ELMO1: variants seen among roughly 807,000 people sequenced by gnomAD.
ELMO1 encodes engulfment and cell motility 1.
Under a neutral mutation model 98.9 loss-of-function variants are expected in ELMO1, and 26 were observed. That is an observed-to-expected ratio of 0.26 (90% CI 0.19 to 0.36). The LOEUF (loss-of-function observed/expected upper bound fraction) is 0.36. Ranked by LOEUF, ELMO1 falls within the 10% of genes least tolerant of loss-of-function variation. The probability of loss-of-function intolerance (pLI) is 1.00; values close to 1 mark genes in which losing one functional copy is unlikely to be tolerated. For missense variants in ELMO1, 627 were observed against 935.2 expected, an observed-to-expected ratio of 0.67 and a Z score of 4.30; for synonymous variants, 346 against 346.0, an observed-to-expected ratio of 1.00 and a Z score of 0.00.
chr7:37,171,483 ATTTTTTTTTTTTTTTT>A (rs71780142), intron 13 of ELMO1, among the ~76,000 whole-genome samples: 2 of 82,914 alleles, frequency 2.4e-5, no homozygotes, highest in Non-Finnish European at 4.5e-5. Flanking sequence ...AGGCCTTTCT[ATTTTTTTTTTTTTTTT>A]TTTTTTTTTT....
At chr7:37,297,713 T>C (rs1279469315) in intron 4 of ELMO1, among the ~76,000 whole-genome samples, 1 of 151,942 alleles carries the variant, frequency 6.6e-6, no homozygotes, top group Non-Finnish European at 1.5e-5. Context: ...ATTAGGAAAG[T>C]TTGACAAATA....
intron 4 of ELMO1, among the ~76,000 whole-genome samples, chr7:37,292,806 C>CT: frequency 1.3e-5 from 1 of 75,512 alleles, no homozygotes; most frequent in African/African-American, 6.7e-5. Context: ...GTCAGCCCCC[C>CT]GCCCGGCCAG....
intron 4 of ELMO1, among the ~76,000 whole-genome samples, chr7:37,296,692 C>T (rs1798044861): frequency 6.6e-6 from 1 of 152,120 alleles, no homozygotes; most frequent in Non-Finnish European, 1.5e-5. Flanking sequence ...TATCTGTCAA[C>T]ACAGAGCATT....
chr7:37,159,958 T>C (rs1045092094), intron 13 of ELMO1, among the ~76,000 whole-genome samples: 4 of 152,206 alleles, frequency 2.6e-5, no homozygotes, highest in Non-Finnish European at 5.9e-5. Context: ...TATTTCATAA[T>C]GAAAATTTTA....
At chr7:37,378,317 C>T (rs533208144) in intron 1 of ELMO1, among the ~76,000 whole-genome samples, 2 of 152,292 alleles carry the variant, frequency 1.3e-5, no homozygotes, top group Non-Finnish European at 2.9e-5. Context: ...ATAAAGCTCC[C>T]CGTTCTCTCT....
chr7:36,868,920 C>G (rs142279789), intron 20 of ELMO1, among the ~76,000 whole-genome samples: 3 of 152,186 alleles, frequency 2.0e-5, no homozygotes, highest in East Asian at 1.9e-4. Context: ...TCGGCTGAAG[C>G]TGAGCAGAGC....
chr7:36,949,819 GACAA>G (rs1787819404), intron 16 of ELMO1, among the ~76,000 whole-genome samples: 1 of 151,812 alleles, frequency 6.6e-6, no homozygotes, highest in Admixed American at 6.6e-5. Flanking sequence ...ACCCAGATGT[GACAA>G]ACAAAACTAT....
chr7:37,022,161 G>T lies in ELMO1; in HGVS notation c.1301-8726C>A, dbSNP rs191823754. ...GGAAAAACAATAAAGTTGTTTTCAT[G>T]TAAGAATATATTCATGACTTTAAGG... On this transcript the variant is annotated intron_variant, in intron 15 of 21. Coordinates refer to ENST00000310758, the MANE Select transcript of ELMO1 (RefSeq NM_014800.11). Among the ~76,000 whole-genome samples the T allele has an allele frequency of 6.6e-4, 100 of 152,272 alleles. No homozygotes were observed. The South Asian group carries it at 0.02, about 30-fold the overall frequency.
At chr7:37,248,618 A>G (rs1325859511) in intron 6 of ELMO1, among the ~76,000 whole-genome samples, 1 of 152,240 alleles carries the variant, frequency 6.6e-6, no homozygotes, top group Non-Finnish European at 1.5e-5. Context: ...AACAGCAGAA[A>G]GCCTTGGGAA....
chr7:36,944,848 C>T (rs1200606307), intron 16 of ELMO1, among the ~76,000 whole-genome samples: 2 of 152,192 alleles, frequency 1.3e-5, no homozygotes, highest in Non-Finnish European at 2.9e-5. Context: ...AACACTAGTA[C>T]ACCTTCTTAA....
intron 1 of ELMO1, among the ~76,000 whole-genome samples, chr7:37,446,894 T>C (rs1046771520): frequency 6.6e-6 from 1 of 151,998 alleles, no homozygotes; most frequent in Non-Finnish European, 1.5e-5. Context: ...CTTCCAGAGA[T>C]AGGAAATGTA....
Position 36,990,222 on chromosome 7 carries a change from C to T in ELMO1, c.1437+23077G>A, listed in dbSNP as rs553970004. Among the ~76,000 whole-genome samples the T allele has an allele frequency of 2.3e-3, 353 of 152,270 alleles. 5 individuals carry two copies. The highest frequency in any genetic ancestry group is 3.1e-3 in the Admixed American group (48 of 15,286). Reference sequence around the variant, plus strand: ...AACCTGGACTTTCTGGCGATTTTTTCGCCTTCTAGACTGTGATGAAAAAAG... The same window carrying T: ...AACCTGGACTTTCTGGCGATTTTTTTGCCTTCTAGACTGTGATGAAAAAAG... On this transcript the variant is annotated intron_variant, in intron 16 of 21. Coordinates refer to ENST00000310758, the MANE Select transcript of ELMO1 (RefSeq NM_014800.11).
intron 10 of ELMO1, 116 bp from the exon 11 acceptor site, chr7:37,216,811 T>C: frequency 9.8e-7 from 1 of 1,022,638 alleles, no homozygotes; most frequent in East Asian, 2.4e-5. Context: ...GCAGTATTTC[T>C]TATGAAATAA....
At chr7:37,293,462 G>A (rs1474334040) in intron 4 of ELMO1, among the ~76,000 whole-genome samples, 15 of 93,662 alleles carry the variant, frequency 1.6e-4, no homozygotes, top group African/African-American at 4.4e-4. Flanking sequence ...ATCCACTCAG[G>A]GTTGAATGGA....
At chr7:37,347,792 AC>A (rs1423372271) in intron 1 of ELMO1, among the ~76,000 whole-genome samples, 4 of 152,306 alleles carry the variant, frequency 2.6e-5, no homozygotes, top group Admixed American at 2.6e-4. Flanking sequence ...TAGGCAGATT[AC>A]CGATGATCAG....
At chr7:37,339,743 G>A (rs981210607) in intron 2 of ELMO1, among the ~76,000 whole-genome samples, 5 of 151,938 alleles carry the variant, frequency 3.3e-5, no homozygotes, top group Non-Finnish European at 4.4e-5. Context: ...CTAATTGCCC[G>A]TCTAGGTTTC....
At chr7:37,036,742 G>C (rs978925108) in intron 15 of ELMO1, among the ~76,000 whole-genome samples, 4 of 152,106 alleles carry the variant, frequency 2.6e-5, no homozygotes, top group African/African-American at 9.7e-5. Context: ...TCCACCAATG[G>C]GGGCCACACA....
intron 15 of ELMO1, among the ~76,000 whole-genome samples, chr7:37,043,670 A>G (rs1000708730): frequency 3.3e-5 from 5 of 152,198 alleles, no homozygotes; most frequent in Admixed American, 2.6e-4. Flanking sequence ...TCAGAAAATC[A>G]GAGTGTGAGC....
At chr7:37,020,029 TATTGTC>T (rs1204739777) in intron 15 of ELMO1, among the ~76,000 whole-genome samples, 1 of 152,188 alleles carries the variant, frequency 6.6e-6, no homozygotes, top group African/African-American at 2.4e-5. Flanking sequence ...GTGGGGCAGG[TATTGTC>T]ACTGGCTCTC....
Sources: allele counts gnomAD v4.1 joint callset (sites outside exome capture counted in the v4.1 genomes callset), GRCh38; gene constraint gnomAD v4.1.1; transcripts MANE v1.5; gene names NCBI Gene and HGNC (gene_info 2026-07-23, HGNC 2026-07-21).